The following UBAP2L variants were observed in gnomAD, a reference collection of about 807,000 sequenced individuals.
The protein encoded by UBAP2L is ubiquitin-associated protein 2-like.
A neutral mutation model predicts 130.6 loss-of-function variants in UBAP2L; 12 were observed. The ratio of observed to expected loss-of-function variants is 0.09; its 90% confidence interval spans 0.06 to 0.15. The LOEUF (loss-of-function observed/expected upper bound fraction) is 0.15, where lower values mean the gene tolerates loss of function less well. Ranked by LOEUF, UBAP2L falls within the 10% of genes least tolerant of loss-of-function variation. The probability of loss-of-function intolerance (pLI) is 1.00; values close to 1 mark genes in which losing one functional copy is unlikely to be tolerated. For missense variants in UBAP2L, 965 were observed against 1,332.5 expected, an observed-to-expected ratio of 0.72 and a Z score of 4.29; for synonymous variants, 503 against 524.7, an observed-to-expected ratio of 0.96 and a Z score of 0.57.
chr1:154,257,337 C>T lies in UBAP2L; in HGVS notation c.2354-9C>T, dbSNP rs1679989653. ...GTGTGATGGGATAAAAATGTAATTT[C>T]TCTTTTAGGAAAAGCTCCTCCCAAC... On this transcript the variant is annotated splice_polypyrimidine_tract_variant and intron_variant, in intron 19 of 26. Transcript: ENST00000428931. The T allele has an allele frequency of 1.9e-6, 3 of 1,614,156 alleles. No homozygotes were observed. Among genetic ancestry groups the T allele is most frequent in the Non-Finnish European group, 1.7e-6 (2 of 1,180,028 alleles).
chr1:154,255,006 C>A, intron 16 of UBAP2L, 116 bp downstream of exon 16: 1 of 1,424,626 alleles, frequency 7.0e-7, no homozygotes, highest in Admixed American at 2.3e-5. Context: ...TAATTCTCAG[C>A]ATTAAAGAAA....
chr1:154,253,976 T>C lies in UBAP2L; in HGVS notation c.1741T>C (p.Tyr581His). 1 of 1,614,076 alleles carries C rather than the reference T, an allele frequency of 6.2e-7. No homozygotes were observed. The highest frequency in any genetic ancestry group is 8.5e-7 in the Non-Finnish European group (1 of 1,180,002). The stretch of plus-strand genomic sequence containing the variant: ...GAGCGGCCCAATTCAGTCGACAACC[T>C]ATACCTCCCAAAATAATGCTCAGGG... The part of the protein sequence containing the change: ...YQSGPIQSTT[Y>H]TSQNNAQGPL... Residue 581 changes from tyrosine (Y) to histidine (H), a missense_variant, in exon 15 of 27, where the codon TAT becomes CAT. Tyr to His is a moderately conservative substitution (Grantham distance 83, BLOSUM62 2). This residue lies in a region of UBAP2L where 393 missense variants were observed against 408.1 expected (regional missense o/e 0.96). Transcript: ENST00000428931.
Position 154,261,672 on chromosome 1 carries a change from A to C in UBAP2L, c.2877A>C (p.Gly959=). 6.2e-7 allele frequency: 1 copy of C among 1,614,060 alleles called. No individual in the cohort carries two copies. The highest frequency in any genetic ancestry group is 8.5e-7 in the Non-Finnish European group (1 of 1,180,000). ...CCACCCCTTTCCAACAGCCGAGTGG[A>C]TATGGGTCTCATGGATACAACACTG... The part of the protein sequence containing the change: ...ASATPFQQPS[G]YGSHGYNTGV... The change falls in exon 24 of 27, where the codon GGA becomes GGC. Residue 959 remains glycine, a synonymous_variant. Coordinates refer to ENST00000428931, the MANE Select transcript of UBAP2L (RefSeq NM_014847.4).
chr1:154,234,370 A>AATAAATAAATAAAT (rs1412409595), intron 4 of UBAP2L, among the ~76,000 whole-genome samples: 7 of 151,892 alleles, frequency 4.6e-5, no homozygotes, highest in Non-Finnish European at 8.8e-5. Flanking sequence ...CTCAAAAATA[A>AATAAATAAATAAAT]ATAAATAAAT....
chr1:154,244,673 A>T (rs1674744279), intron 10 of UBAP2L, among the ~76,000 whole-genome samples: 1 of 152,108 alleles, frequency 6.6e-6, no homozygotes, highest in African/African-American at 2.4e-5. Context: ...CTGGTTTATT[A>T]TAAAGGTACA....
chr1:154,235,753 G>A (rs1478325443), intron 6 of UBAP2L, among the ~76,000 whole-genome samples: 1 of 152,012 alleles, frequency 6.6e-6, no homozygotes, highest in African/African-American at 2.4e-5. Context: ...AAAGTGATGC[G>A]CCCGCCTCGC....
chr1:154,244,499 A>G (rs1480900423), intron 10 of UBAP2L, among the ~76,000 whole-genome samples: 1 of 151,890 alleles, frequency 6.6e-6, no homozygotes, highest in East Asian at 1.9e-4. Context: ...CAGCCTCCCT[A>G]GTATCTGGGA....
intron 4 of UBAP2L, among the ~76,000 whole-genome samples, chr1:154,230,920 G>A (rs1669624734): frequency 6.6e-6 from 1 of 152,228 alleles, no homozygotes; most frequent in Non-Finnish European, 1.5e-5. Flanking sequence ...AAAGGTTACA[G>A]TTTCCTGAAA....
rs1159572279 is a variant in UBAP2L at position 154,270,415 on chromosome 1, G to T, written c.*120G>T. 1 of 1,504,054 alleles carries T rather than the reference G, an allele frequency of 6.6e-7. No homozygotes were observed. The highest frequency in any genetic ancestry group is 9.0e-7 in the Non-Finnish European group (1 of 1,116,440). The allele number at this position is 1,504,054 out of a possible 1,614,324, so 93.2% of individuals were successfully genotyped here. On this transcript the variant is annotated 3_prime_UTR_variant, in exon 27 of 27. Coordinates refer to ENST00000428931, the MANE Select transcript of UBAP2L (RefSeq NM_014847.4). ...TTTCCGCTGCCCCCCACCCCCAGCG[G>T]CCCACCCCATGCCTCAGCTTCATGT...
intron 14 of UBAP2L, among the ~76,000 whole-genome samples, chr1:154,253,667 C>T (rs565185241): frequency 4.6e-5 from 7 of 152,256 alleles, no homozygotes; most frequent in African/African-American, 7.2e-5. Flanking sequence ...CCACTGCGCC[C>T]GGCCTAGATG....
At chr1:154,220,601 T>C, upstream of UBAP2L, 1 of 613,500 alleles carries the variant, frequency 1.6e-6, no homozygotes. Context: ...AACGACGCCT[T>C]CCAGCTTCCC....
At chr1:154,267,740 C>T (rs770180233) in intron 25 of UBAP2L, among the ~76,000 whole-genome samples, 14 of 152,020 alleles carry the variant, frequency 9.2e-5, no homozygotes, top group Non-Finnish European at 1.8e-4. Flanking sequence ...GCAATCCACC[C>T]GCCTTAGCCT....
In UBAP2L at chr1:154,262,188, T is replaced by C. The variant is rs1681781063; in HGVS notation, c.2902+491T>C. 3.3e-5 allele frequency among the ~76,000 whole-genome samples: 5 copies of C among 152,300 alleles called. No homozygotes were observed. In the South Asian group the frequency reaches 1.0e-3, roughly 32 times the overall value. On this transcript the variant is annotated intron_variant, in intron 24 of 26. Transcript: ENST00000428931. ...TATTCCCTAGCTAGAAGACCTAAAC[T>C]GTGGAGAAAAAGGAGTAGGCGTGAC...
Position 154,227,365 on chromosome 1 carries a change from T to C in UBAP2L, c.168+6T>C. 6.2e-7 allele frequency: 1 copy of C among 1,609,992 alleles called. No individual in the cohort carries two copies. Among genetic ancestry groups the C allele is most frequent in the South Asian group, 1.1e-5 (1 of 91,006 alleles). ...TTGAGGAGAAGGTGAAACAAGTGAG[T>C]GTATCACTAATTTACTGTACACTAT... On this transcript the variant is annotated splice_donor_region_variant and intron_variant, in intron 3 of 26. Transcript: ENST00000428931.
chr1:154,227,327 A>G lies in UBAP2L; in HGVS notation c.136A>G (p.Asn46Asp), dbSNP rs540940404. ...IRLAQMISDH[N>D]DADFEEKVKQ... ...ACTTGCACAGATGATTTCGGACCATAATGATGCTGACTTTGAGGAGAAGGT... is the reference window on the plus strand; with the variant it reads ...ACTTGCACAGATGATTTCGGACCATGATGATGCTGACTTTGAGGAGAAGGT... Residue 46 changes from asparagine to aspartate, a missense_variant, in exon 3 of 27, where the codon AAT (asparagine) becomes GAT (aspartate). This residue lies in a region of UBAP2L where 34 missense variants were observed against 101.4 expected (regional missense o/e 0.34). Coordinates refer to ENST00000428931, the MANE Select transcript of UBAP2L (RefSeq NM_014847.4). The G allele has an allele frequency of 3.1e-6, 5 of 1,613,742 alleles. No individual in the cohort carries two copies. The African/African-American group carries it at 5.3e-5, about 17-fold the overall frequency.
Position 154,226,573 on chromosome 1 carries a change from A to G in UBAP2L, c.91-709A>G, listed in dbSNP as rs113618762. Among the ~76,000 whole-genome samples, 1,322 of 152,366 alleles carry G rather than the reference A, an allele frequency of 8.7e-3. 9 individuals are homozygous for G. The highest frequency in any genetic ancestry group is 0.048 in the Middle Eastern group (14 of 294). On this transcript the variant is annotated intron_variant, in intron 2 of 26. Coordinates refer to ENST00000428931, the MANE Select transcript of UBAP2L (RefSeq NM_014847.4). ...TAGTATCTGAACATACACTGGATAT[A>G]TAGAAGATGTGTTGAGTCTATTGTC...
chr1:154,248,068 A>G (rs562624346), intron 11 of UBAP2L, among the ~76,000 whole-genome samples: 1 of 152,084 alleles, frequency 6.6e-6, no homozygotes, highest in East Asian at 1.9e-4. Flanking sequence ...CCTGGGTTCA[A>G]GCAATTCTCC....
At chr1:154,256,782 CTG>C (rs1491404490) in intron 18 of UBAP2L, among the ~76,000 whole-genome samples, 11 of 152,174 alleles carry the variant, frequency 7.2e-5, no homozygotes, top group Admixed American at 2.0e-4. Flanking sequence ...GTGTTAGTCT[CTG>C]GGGAATCTGT....
chr1:154,257,545 A>G (rs2148969885), intron 20 of UBAP2L, 111 bp downstream of exon 20: 7 of 1,132,652 alleles, frequency 6.2e-6, no homozygotes, highest in South Asian at 1.3e-5. Flanking sequence ...CACATACTCA[A>G]GCCCTGCAGT....
Sources: gnomAD v4.1 joint callset for allele counts (sites outside exome capture counted in the v4.1 genomes callset) on GRCh38, gnomAD v4.1.1 for gene constraint, gnomAD v4.1.1 regional missense constraint, MANE v1.5 for transcripts, NCBI Gene and HGNC (gene_info 2026-07-23, HGNC 2026-07-21) for gene names.